The following ADAMTSL1 variants were observed in gnomAD, a reference collection of about 807,000 sequenced individuals.
ADAMTSL1 encodes the protein ADAMTS-like protein 1.
In ADAMTSL1, 126 loss-of-function variants were observed where a neutral mutation model predicts 201.8. The ratio of observed to expected loss-of-function variants is 0.62; its 90% CI spans 0.54 to 0.72. ADAMTSL1 has a LOEUF of 0.72. ADAMTSL1 is among the 30% of genes least tolerant of loss of function. The pLI is 0.00. For missense variants in ADAMTSL1, 2,679 were observed against 2,277.8 expected, an observed-to-expected ratio of 1.18 and a Z score of -3.59; for synonymous variants, 1,121 against 903.4, an observed-to-expected ratio of 1.24 and a Z score of -4.32.
intron 1 of ADAMTSL1, among the ~76,000 whole-genome samples, chr9:17,921,522 A>G (rs997177420): frequency 8.5e-5 from 13 of 152,306 alleles, no homozygotes; most frequent in Middle Eastern, 3.4e-3. Context: ...TCAACCTGCC[A>G]TGTTAACTGG....
rs575644234 is a variant in ADAMTSL1 at position 18,587,359 on chromosome 9, A to G, written c.474+13093A>G. 6.6e-5 allele frequency among the ~76,000 whole-genome samples: 10 copies of G among 152,308 alleles called. No homozygotes were observed. In the East Asian group the frequency reaches 1.9e-3, roughly 29 times the overall value. On this transcript the variant is annotated intron_variant, in intron 4 of 28. Transcript: ENST00000380548. ...GCCAACAAGCATATAAAAAAAGCTC[A>G]ATATCATTGATCATTAGAGAAATAC...
intron 16 of ADAMTSL1, among the ~76,000 whole-genome samples, chr9:18,756,578 C>G (rs1342933648): frequency 4.6e-5 from 7 of 152,140 alleles, no homozygotes; most frequent in Admixed American, 4.6e-4. Context: ...AGCCCTGATT[C>G]CTCAGCAATT....
intron 23 of ADAMTSL1, among the ~76,000 whole-genome samples, chr9:18,856,486 C>T (rs1188199733): frequency 1.2e-4 from 4 of 34,314 alleles, no homozygotes; most frequent in Non-Finnish European, 1.8e-4. Context: ...TTTTTTGAGA[C>T]GGAGTCTCGC....
chr9:18,475,035 G>A (rs991520212), intron 1 of ADAMTSL1, among the ~76,000 whole-genome samples: 2 of 152,066 alleles, frequency 1.3e-5, no homozygotes, highest in Non-Finnish European at 2.9e-5. Flanking sequence ...GGTTTTATGG[G>A]CAGAAAATGA....
intron 2 of ADAMTSL1, among the ~76,000 whole-genome samples, chr9:18,186,529 T>C (rs1256367722): frequency 6.6e-6 from 1 of 152,090 alleles, no homozygotes; most frequent in African/African-American, 2.4e-5. Flanking sequence ...GTAGAATGGG[T>C]ATGTAATGCC....
intron 15 of ADAMTSL1, among the ~76,000 whole-genome samples, chr9:18,742,839 C>G (rs985600689): frequency 6.6e-6 from 1 of 152,098 alleles, no homozygotes; most frequent in Non-Finnish European, 1.5e-5. Flanking sequence ...CAATAAAACC[C>G]AAAATATGGT....
intron 2 of ADAMTSL1, among the ~76,000 whole-genome samples, chr9:18,302,013 G>A (rs1320779258): frequency 6.6e-6 from 1 of 152,164 alleles, no homozygotes; most frequent in African/African-American, 2.4e-5. Context: ...GAGAAAGTCT[G>A]GGATGTTAGA....
chr9:17,990,092 T>A (rs115298188), intron 1 of ADAMTSL1, among the ~76,000 whole-genome samples: 1 of 151,758 alleles, frequency 6.6e-6, no homozygotes, highest in Admixed American at 6.6e-5. Context: ...TAGGAGAAAA[T>A]TGGGGTGGGG....
rs1821135032 is a variant in ADAMTSL1 at position 18,777,626 on chromosome 9, T to G, written c.3397T>G (p.Ser1133Ala). ...SERRTSPVTL[S>A]PHKHVSGFSS... ...GCGCAGGACTTCCCCAGTGACTCTC[T>G]CGCCTCATAAACACGTGTCTGGCTT... Residue 1133 changes from serine to alanine, a missense_variant, in exon 19 of 29, where the codon TCG becomes GCG. Ser to Ala is a moderately conservative substitution (Grantham distance 99). Transcript: ENST00000380548. 2 of 1,613,572 alleles carry G rather than the reference T, an allele frequency of 1.2e-6. No individual in the cohort carries two copies. Among genetic ancestry groups the G allele is most frequent in the South Asian group, 1.1e-5 (1 of 91,056 alleles).
intron 2 of ADAMTSL1, among the ~76,000 whole-genome samples, chr9:18,374,573 A>G (rs1015184060): frequency 5.3e-5 from 8 of 152,054 alleles, no homozygotes; most frequent in Non-Finnish European, 1.2e-4. Context: ...GGCTCAAGTA[A>G]TCCTCCTGTC....
At chr9:18,048,976 C>T (rs1340354014) in intron 1 of ADAMTSL1, among the ~76,000 whole-genome samples, 1 of 152,128 alleles carries the variant, frequency 6.6e-6, no homozygotes, top group Non-Finnish European at 1.5e-5. Context: ...GAGGAGGATC[C>T]AGTCCATGTG....
At position 17,979,056 on chromosome 9, in the gene ADAMTSL1, G is replaced by A. The variant is rs115030984; in HGVS notation, c.87+72134G>A. ...GACATATGCTGATGGTCTTATTGGT[G>A]GTGTCTATGCGTGTGACAATCTCTT... On this transcript the variant is annotated intron_variant, in intron 1 of 29. Coordinates refer to the ADAMTSL1 transcript ENST00000680146. Among the ~76,000 whole-genome samples the A allele has an allele frequency of 6.8e-3, 1,027 of 151,660 alleles. 14 individuals are homozygous for A. The highest frequency in any genetic ancestry group is 0.024 in the African/African-American group (978 of 41,338).
At chr9:17,964,007 T>G (rs994147280) in intron 1 of ADAMTSL1, among the ~76,000 whole-genome samples, 1 of 152,144 alleles carries the variant, frequency 6.6e-6, no homozygotes, top group Non-Finnish European at 1.5e-5. Context: ...GTGCAATATA[T>G]GGCACCAATT....
intron 1 of ADAMTSL1, among the ~76,000 whole-genome samples, chr9:17,960,936 G>A (rs1001443898): frequency 1.3e-5 from 2 of 152,090 alleles, no homozygotes; most frequent in Admixed American, 1.3e-4. Flanking sequence ...TGTGATTCTG[G>A]TTCAGTTGTA....
At chr9:18,172,813 C>T (rs1217404502) in intron 2 of ADAMTSL1, among the ~76,000 whole-genome samples, 1 of 151,918 alleles carries the variant, frequency 6.6e-6, no homozygotes, top group Non-Finnish European at 1.5e-5. Flanking sequence ...AGATAGATTT[C>T]AAAAATAAAA....
intron 22 of ADAMTSL1, among the ~76,000 whole-genome samples, chr9:18,827,383 A>C (rs577417024): frequency 6.6e-6 from 1 of 152,252 alleles, no homozygotes; most frequent in African/African-American, 2.4e-5. Flanking sequence ...CTGTTTTCAC[A>C]CCGAGAGTTG....
intron 2 of ADAMTSL1, among the ~76,000 whole-genome samples, chr9:18,243,253 G>A (rs572950050): frequency 6.6e-6 from 1 of 152,046 alleles, no homozygotes; most frequent in African/African-American, 2.4e-5. Flanking sequence ...TTCAATAAAT[G>A]GTGCTGGAAA....
intron 1 of ADAMTSL1, among the ~76,000 whole-genome samples, chr9:17,939,669 C>G (rs1563908616): frequency 6.6e-6 from 1 of 151,912 alleles, no homozygotes; most frequent in Non-Finnish European, 1.5e-5. Context: ...GATGTTCTGC[C>G]TCATTCATTC....
intron 1 of ADAMTSL1, among the ~76,000 whole-genome samples, chr9:18,132,535 A>G (rs1825994645): frequency 6.6e-6 from 1 of 152,168 alleles, no homozygotes; most frequent in Non-Finnish European, 1.5e-5. Flanking sequence ...TTGACAGGTT[A>G]GATAAAGCAA....
Sources: allele counts gnomAD v4.1 joint callset (sites outside exome capture counted in the v4.1 genomes callset), GRCh38; gene constraint gnomAD v4.1.1; transcripts MANE v1.5; gene names NCBI Gene and HGNC (gene_info 2026-07-23, HGNC 2026-07-21).